Variants in SMYD3 observed in about 807,000 individuals in gnomAD.
SMYD3 encodes the protein SET and MYND domain containing 3.
A neutral mutation model predicts 57.7 loss-of-function variants in SMYD3; 36 were observed. The observed-to-expected ratio is 0.62, with a 90% confidence interval of 0.48 to 0.82. The LOEUF (loss-of-function observed/expected upper bound fraction) is 0.82, where lower values mean the gene tolerates loss of function less well. SMYD3 is among the 40% of genes least tolerant of loss of function. The pLI is 0.00. For missense variants in SMYD3, 515 were observed against 538.8 expected, an observed-to-expected ratio of 0.96 and a Z score of 0.44; for synonymous variants, 211 against 195.0, an observed-to-expected ratio of 1.08 and a Z score of -0.68.
Position 246,391,221 on chromosome 1 carries a change from G to GAA in SMYD3, c.165-36129_165-36128dup, listed in dbSNP as rs58176373. Among the ~76,000 whole-genome samples, 239 of 111,026 alleles carry GAA rather than the reference G, an allele frequency of 2.2e-3. 1 individual carries two copies. Among genetic ancestry groups the GAA allele is most frequent in the African/African-American group, 7.0e-3 (213 of 30,592 alleles). 72.8% of individuals were successfully genotyped at this position (111,026 alleles called of 152,430 possible). A position where few individuals can be genotyped will look rare whatever the true frequency, so the allele number is the denominator to read the frequency against. ...GGCAACTAAGCGAGACTCTATATCT[G>GAA]AAAAAAAAAAAAAAAAGGCACAGTG... On this transcript the variant is annotated intron_variant, in intron 1 of 11. Coordinates refer to ENST00000490107, the MANE Select transcript of SMYD3 (RefSeq NM_001167740.2).
intron 1 of SMYD3, among the ~76,000 whole-genome samples, chr1:246,474,638 T>C (rs2068004704): frequency 6.6e-6 from 1 of 151,584 alleles, no homozygotes; most frequent in African/African-American, 2.4e-5. Flanking sequence ...ATACAAAATA[T>C]AAGGATTGAG....
intron 5 of SMYD3, among the ~76,000 whole-genome samples, chr1:246,086,884 C>T (rs1413477280): frequency 1.3e-5 from 2 of 152,048 alleles, no homozygotes; most frequent in African/African-American, 2.4e-5. Flanking sequence ...TCCCTCCCCT[C>T]GCCCTTCCGA....
chr1:246,211,398 T>TTTC (rs1443276450), intron 5 of SMYD3, among the ~76,000 whole-genome samples: 2 of 152,144 alleles, frequency 1.3e-5, no homozygotes, highest in Non-Finnish European at 2.9e-5. Flanking sequence ...ACTGGTTGAA[T>TTTC]ACACATCTCA....
At chr1:246,068,285 CA>C (rs71726233) in intron 5 of SMYD3, among the ~76,000 whole-genome samples, 30,440 of 114,504 alleles carry the variant, frequency 0.27, 3,528 homozygotes, top group East Asian at 0.43. Flanking sequence ...TACAGGTCAG[CA>C]AAAAAAAAAA....
At chr1:245,807,431 GCCTCCGAACTTCCGGTCCAATGTTGACA>G in intron 10 of SMYD3, among the ~76,000 whole-genome samples, 1 of 152,134 alleles carries the variant, frequency 6.6e-6, no homozygotes, top group Admixed American at 6.5e-5. Flanking sequence ...ACCGAAGTCA[GCCTCCGAACTTCCGGTCCAATGTTGACA>G]CCTTGTTCAC....
At chr1:246,027,925 A>G (rs2059604908) in intron 5 of SMYD3, among the ~76,000 whole-genome samples, 1 of 152,228 alleles carries the variant, frequency 6.6e-6, no homozygotes, top group African/African-American at 2.4e-5. Flanking sequence ...AGGAACACTC[A>G]TACTTCATAG....
chr1:246,120,505 C>T (rs938013707), intron 5 of SMYD3, among the ~76,000 whole-genome samples: 6 of 152,102 alleles, frequency 3.9e-5, no homozygotes, highest in African/African-American at 1.4e-4. Flanking sequence ...CAGTCTTTCT[C>T]CTCCTTCCAC....
chr1:245,832,516 C>T (rs34677309), intron 10 of SMYD3, among the ~76,000 whole-genome samples: 18,709 of 118,660 alleles, frequency 0.16, 1,304 homozygotes, highest in South Asian at 0.29. Flanking sequence ...GAGGAGAAGA[C>T]GACACCTGAT....
At chr1:246,430,181 G>A (rs1469731166) in intron 1 of SMYD3, among the ~76,000 whole-genome samples, 3 of 151,976 alleles carry the variant, frequency 2.0e-5, no homozygotes, top group East Asian at 3.9e-4. Context: ...TGACTGGCAA[G>A]TACTAAATAA....
intron 5 of SMYD3, among the ~76,000 whole-genome samples, chr1:246,166,545 T>G (rs1016482053): frequency 2.6e-5 from 4 of 152,218 alleles, no homozygotes; most frequent in Non-Finnish European, 5.9e-5. Context: ...ATATTTTGTC[T>G]GTTCCCCTGT....
At chr1:246,120,132 C>T (rs1165150276) in intron 5 of SMYD3, among the ~76,000 whole-genome samples, 1 of 152,152 alleles carries the variant, frequency 6.6e-6, no homozygotes, top group Non-Finnish European at 1.5e-5. Flanking sequence ...TGTTCACATT[C>T]TTCTTGGTAT....
chr1:245,820,186 G>T (rs2049080699), intron 10 of SMYD3, among the ~76,000 whole-genome samples: 1 of 150,574 alleles, frequency 6.6e-6, no homozygotes, highest in Admixed American at 6.6e-5. Context: ...ACATCAAAAA[G>T]CTTATCCACC....
At chr1:246,438,389 G>C (rs143847859) in intron 1 of SMYD3, among the ~76,000 whole-genome samples, 1 of 152,222 alleles carries the variant, frequency 6.6e-6, no homozygotes, top group Non-Finnish European at 1.5e-5. Flanking sequence ...ACCATCAAGA[G>C]CACAGGCTTA....
intron 10 of SMYD3, among the ~76,000 whole-genome samples, chr1:245,806,877 TCCG>T: frequency 8.6e-6 from 1 of 115,878 alleles, no homozygotes; most frequent in Non-Finnish European, 1.6e-5. Flanking sequence ...GCCACTGCAG[TCCG>T]CAATCCGGCC....
chr1:245,760,452 G>A (rs560380557), intron 11 of SMYD3, among the ~76,000 whole-genome samples: 29 of 152,216 alleles, frequency 1.9e-4, no homozygotes, highest in African/African-American at 5.8e-4. Flanking sequence ...CACAGGTCAC[G>A]TGAGCTTTCC....
Position 245,794,434 on chromosome 1 carries a change from A to T in SMYD3, c.1077-30285T>A, listed in dbSNP as rs189076222. The stretch of plus-strand genomic sequence containing the variant: ...TCACTGGCTGTTGAGATGTTCTCTC[A>T]ATCAAATTGAAATCAGGTTGTAAGA... On this transcript the variant is annotated intron_variant, in intron 10 of 11. Coordinates refer to ENST00000490107, the MANE Select transcript of SMYD3 (RefSeq NM_001167740.2). Among the ~76,000 whole-genome samples the T allele has an allele frequency of 1.8e-4, 28 of 152,362 alleles. No individual in the cohort carries two copies. The East Asian group carries it at 5.4e-3, about 29-fold the overall frequency.
chr1:246,038,680 T>G (rs1182236915), intron 5 of SMYD3, among the ~76,000 whole-genome samples: 1 of 152,188 alleles, frequency 6.6e-6, no homozygotes, highest in Admixed American at 6.5e-5. Flanking sequence ...TCCAACATCT[T>G]TCCGACATCA....
intron 9 of SMYD3, among the ~76,000 whole-genome samples, chr1:245,859,449 T>C (rs551667371): frequency 6.6e-6 from 1 of 152,332 alleles, no homozygotes; most frequent in East Asian, 1.9e-4. Flanking sequence ...AGTCAGTAAC[T>C]TCATCTCATG....
chr1:246,215,803 G>A (rs919793774), intron 5 of SMYD3, among the ~76,000 whole-genome samples: 1 of 152,096 alleles, frequency 6.6e-6, no homozygotes, highest in Non-Finnish European at 1.5e-5. Context: ...TGCCTGAGAT[G>A]AGTCCACTGA....
Sources: allele counts gnomAD v4.1 joint callset (sites outside exome capture counted in the v4.1 genomes callset), GRCh38; gene constraint gnomAD v4.1.1; transcripts MANE v1.5; gene names NCBI Gene and HGNC (gene_info 2026-07-23, HGNC 2026-07-21).